SNTG2: variants seen among roughly 807,000 people sequenced by gnomAD.
The protein encoded by SNTG2 is syntrophin gamma 2.
A neutral mutation model predicts 70.9 loss-of-function variants in SNTG2; 74 were observed. The observed-to-expected ratio is 1.04, with a 90% confidence interval of 0.86 to 1.27. SNTG2 has a LOEUF of 1.27. Among genes scored for constraint, SNTG2 ranks in the 50% most tolerant of loss-of-function variants. The probability of loss-of-function intolerance (pLI) is 0.00; values close to 1 mark genes in which losing one functional copy is unlikely to be tolerated. For missense variants in SNTG2, 717 were observed against 690.7 expected (o/e 1.04, Z -0.43); for synonymous variants, 278 against 273.8 (o/e 1.02, Z -0.15).
At chr2:1,282,040 C>T (rs891903428) in intron 14 of SNTG2, among the ~76,000 whole-genome samples, 2 of 152,180 alleles carry the variant, frequency 1.3e-5, no homozygotes, top group East Asian at 1.9e-4. Context: ...AGCCTTATAG[C>T]CTGCCTGGAG....
At chr2:958,830 G>A (rs1379861712) in intron 1 of SNTG2, among the ~76,000 whole-genome samples, 1 of 152,082 alleles carries the variant, frequency 6.6e-6, no homozygotes, top group East Asian at 1.9e-4. Context: ...ATATTTTGAT[G>A]TTAGGAGTTA....
chr2:1,110,308 G>A (rs1236466820), intron 4 of SNTG2, among the ~76,000 whole-genome samples: 1 of 152,108 alleles, frequency 6.6e-6, no homozygotes, highest in East Asian at 1.9e-4. Context: ...CATGACATGG[G>A]CCTCCACCTG....
chr2:1,160,758 C>G (rs1438896755), intron 6 of SNTG2: 1 of 152,456 alleles, frequency 6.6e-6, no homozygotes, highest in Non-Finnish European at 1.5e-5. Context: ...CTGGAGCGCA[C>G]TTCCTCTCTC....
In SNTG2 at chr2:1,058,652, C is replaced by T. The variant is rs185818182; in HGVS notation, c.73-24866C>T. On this transcript the variant is annotated intron_variant, in intron 1 of 16. Coordinates refer to ENST00000308624, the MANE Select transcript of SNTG2 (RefSeq NM_018968.4). ...CCTGGTTGCTATTTCCAGTGTCCCCCACATTGGGGACCTGCATGGGAGTAG... is the reference window on the plus strand; with the variant it reads ...CCTGGTTGCTATTTCCAGTGTCCCCTACATTGGGGACCTGCATGGGAGTAG... 6.5e-3 allele frequency among the ~76,000 whole-genome samples: 992 copies of T among 152,292 alleles called. 27 individuals are homozygous for T. Among genetic ancestry groups the T allele is most frequent in the Non-Finnish European group, 4.7e-3 (319 of 68,024 alleles).
intron 1 of SNTG2, among the ~76,000 whole-genome samples, chr2:956,260 T>A (rs550937298): frequency 1.2e-5 from 1 of 83,568 alleles, no homozygotes; most frequent in African/African-American, 5.4e-5. Context: ...CCCCTGCGCC[T>A]CCCCCTGCCC....
chr2:1,214,766 C>G (rs906458514), intron 9 of SNTG2, among the ~76,000 whole-genome samples: 20 of 152,084 alleles, frequency 1.3e-4, no homozygotes, highest in African/African-American at 4.8e-4. Flanking sequence ...ACTTCCAGTA[C>G]TATGTTGTAT....
rs768262202 is a variant in SNTG2 at position 1,267,417 on chromosome 2, A to C, written c.1130A>C (p.Gln377Pro). ...WLQANLYLGL[Q>P]DFDFEDQRPY... is the part of the protein sequence containing the mutation. The stretch of plus-strand genomic sequence containing the variant: ...CAAGCAAACTTGTATCTGGGTCTTC[A>C]AGATTTTGACTTTGAGGACCAGAGG... Residue 377 changes from glutamine to proline, a missense_variant, in exon 14 of 17, where the codon CAA (glutamine) becomes CCA (proline). Physicochemically the swap from Gln to Pro is moderately conservative, Grantham distance 76 (BLOSUM62 -1). Coordinates refer to ENST00000308624, the MANE Select transcript of SNTG2 (RefSeq NM_018968.4). 1 of 1,611,556 alleles carries C rather than the reference A, an allele frequency of 6.2e-7. No homozygotes were observed. The highest frequency in any genetic ancestry group is 8.5e-7 in the Non-Finnish European group (1 of 1,178,850).
intron 9 of SNTG2, among the ~76,000 whole-genome samples, chr2:1,224,148 A>G (rs1166214562): frequency 1.3e-5 from 2 of 152,080 alleles, no homozygotes; most frequent in African/African-American, 4.8e-5. Context: ...TCAGGACCTC[A>G]TCACCTCTCA....
rs572615361 is a variant in SNTG2, at chr2:1,267,187, AC to A, written c.1078-176del. Among the ~76,000 whole-genome samples, 1,039 of 152,316 alleles carry A rather than the reference AC, an allele frequency of 6.8e-3. 9 individuals are homozygous for A. The highest frequency in any genetic ancestry group is 0.012 in the Non-Finnish European group (804 of 68,028). ...TTTATTTACAGATATTTGTCTGTGGACCACTTCCGCACCAGCTGTGCATGAG... is the reference window on the plus strand; with the variant it reads ...TTTATTTACAGATATTTGTCTGTGGACACTTCCGCACCAGCTGTGCATGAG... On this transcript the variant is annotated intron_variant, in intron 13 of 16. Transcript: ENST00000308624.
intron 14 of SNTG2, among the ~76,000 whole-genome samples, chr2:1,290,504 G>A (rs1679947747): frequency 2.0e-5 from 3 of 152,014 alleles, no homozygotes; most frequent in Admixed American, 6.6e-5. Flanking sequence ...TAGTAGAGAC[G>A]GGGTTTTGCC....
intron 14 of SNTG2, among the ~76,000 whole-genome samples, chr2:1,287,752 T>C (rs1049220105): frequency 1.3e-5 from 2 of 152,220 alleles, no homozygotes; most frequent in African/African-American, 2.4e-5. Context: ...GTTTTCACCC[T>C]CTGGCCACCG....
intron 12 of SNTG2, among the ~76,000 whole-genome samples, chr2:1,247,788 C>G (rs1023755331): frequency 1.3e-5 from 2 of 152,014 alleles, no homozygotes; most frequent in South Asian, 2.1e-4. Flanking sequence ...AAAATACAAC[C>G]CTCTTTTTAG....
rs542161188 is a variant in SNTG2, at chr2:1,366,559, G to A, written c.1489-784G>A. Among the ~76,000 whole-genome samples the A allele has an allele frequency of 2.0e-5, 3 of 152,272 alleles. No homozygotes were observed. In the East Asian group the frequency reaches 5.8e-4, roughly 29 times the overall value. The stretch of plus-strand genomic sequence containing the variant: ...GAGTTTGTTTCAGTTTTTTTATTGG[G>A]AGGGGGTAGGGGTATAACCGTCTCT... On this transcript the variant is annotated intron_variant, in intron 16 of 16. Coordinates refer to ENST00000308624, the MANE Select transcript of SNTG2 (RefSeq NM_018968.4).
At chr2:1,303,581 A>G (rs1257551806) in intron 14 of SNTG2, among the ~76,000 whole-genome samples, 1 of 152,208 alleles carries the variant, frequency 6.6e-6, no homozygotes, top group African/African-American at 2.4e-5. Context: ...AATAAACTAG[A>G]AACAATAAAC....
At chr2:1,163,999 G>A (rs1670523343) in intron 6 of SNTG2, among the ~76,000 whole-genome samples, 1 of 152,224 alleles carries the variant, frequency 6.6e-6, no homozygotes, top group South Asian at 2.1e-4. Flanking sequence ...GAGCTGTGCA[G>A]AACTGTAATC....
intron 8 of SNTG2, among the ~76,000 whole-genome samples, chr2:1,201,074 A>G (rs376748183): frequency 1.3e-5 from 2 of 152,166 alleles, no homozygotes; most frequent in African/African-American, 2.4e-5. Flanking sequence ...GGAAATCAGT[A>G]TATCAAAGGG....
chr2:1,258,117 G>A (rs975489075), intron 12 of SNTG2, among the ~76,000 whole-genome samples: 3 of 152,184 alleles, frequency 2.0e-5, no homozygotes, highest in South Asian at 2.1e-4. Context: ...GGGTGGGAAC[G>A]GGAGGAGTGG....
chr2:1,022,733 G>T (rs1481535653), intron 1 of SNTG2, among the ~76,000 whole-genome samples: 4 of 152,158 alleles, frequency 2.6e-5, no homozygotes, highest in African/African-American at 9.7e-5. Context: ...TGGGATTGGT[G>T]ATTATCAAAA....
chr2:1,038,769 AG>A (rs1661272783), intron 1 of SNTG2, among the ~76,000 whole-genome samples: 1 of 151,650 alleles, frequency 6.6e-6, no homozygotes, highest in African/African-American at 2.4e-5. Flanking sequence ...AAGTAACTAA[AG>A]TTTTTATTAT....
Sources: gnomAD v4.1 joint callset for allele counts (sites outside exome capture counted in the v4.1 genomes callset) on GRCh38, gnomAD v4.1.1 for gene constraint, MANE v1.5 for transcripts, NCBI Gene and HGNC (gene_info 2026-07-23, HGNC 2026-07-21) for gene names.